The following OXR1 variants were observed in gnomAD, a reference collection of about 807,000 sequenced individuals.
The protein encoded by OXR1 is oxidation resistance protein 1.
OXR1 carries 41 observed loss-of-function variants against 104.6 expected under a neutral mutation model. The observed-to-expected ratio is 0.39, with a 90% confidence interval of 0.31 to 0.51. The LOEUF (loss-of-function observed/expected upper bound fraction) is 0.51, where lower values mean the gene tolerates loss of function less well. OXR1 is among the 20% of genes least tolerant of loss of function. The pLI is 0.77. For missense variants in OXR1, 955 were observed against 1,031.9 expected, an observed-to-expected ratio of 0.93 and a Z score of 1.02; for synonymous variants, 348 against 348.4, an observed-to-expected ratio of 1.00 and a Z score of 0.01.
At chr8:106,392,555 C>G (rs1168628742) in intron 2 of OXR1, among the ~76,000 whole-genome samples, 1 of 152,004 alleles carries the variant, frequency 6.6e-6, no homozygotes, top group Non-Finnish European at 1.5e-5. Context: ...GTATGGAAAA[C>G]CTGTTGCTTA....
Position 106,683,196 on chromosome 8 carries a change from CA to C in OXR1, c.304-2del. ...GAAATAATTTATTTTTTCTTTTAAA[CA>C]GGTTGAATCAAGGGATTCTTTGAAT... is the stretch of plus-strand genomic sequence containing the variant. On this transcript the variant is annotated splice_acceptor_variant, in intron 4 of 16. Coordinates refer to ENST00000517566, the MANE Select transcript of OXR1 (RefSeq NM_001198533.2). LOFTEE classifies it high-confidence loss of function. The C allele has an allele frequency of 6.9e-7, 1 of 1,439,944 alleles. No homozygotes were observed. The highest frequency in any genetic ancestry group is 9.7e-7 in the Non-Finnish European group (1 of 1,030,368). The allele number at this position is 1,439,944 out of a possible 1,614,324, so 89.2% of individuals were successfully genotyped here. A position where few individuals can be genotyped will look rare whatever the true frequency, so the allele number is the denominator to read the frequency against.
At chr8:106,653,084 A>T (rs1245716945) in intron 3 of OXR1, among the ~76,000 whole-genome samples, 2 of 63,732 alleles carry the variant, frequency 3.1e-5, no homozygotes, top group African/African-American at 1.5e-4. Flanking sequence ...AAAAAAAAAA[A>T]TATATATATA....
At chr8:106,511,523 C>A (rs1314130020) in intron 2 of OXR1, among the ~76,000 whole-genome samples, 2 of 145,026 alleles carry the variant, frequency 1.4e-5, no homozygotes, top group African/African-American at 2.5e-5. Flanking sequence ...CATTCATACA[C>A]CTCACACACA....
At chr8:106,605,182 A>G (rs924426626) in intron 3 of OXR1, 2 of 152,218 alleles carry the variant, frequency 1.3e-5, no homozygotes, top group African/African-American at 2.4e-5. Flanking sequence ...TTTTTAGAAG[A>G]GTTTGCTGTA....
At chr8:106,430,897 C>G (rs560643220) in intron 2 of OXR1, among the ~76,000 whole-genome samples, 14 of 152,314 alleles carry the variant, frequency 9.2e-5, no homozygotes, top group Admixed American at 3.3e-4. Context: ...TGCTACTCCT[C>G]TCATTGAGAT....
At position 106,548,282 on chromosome 8, in the gene OXR1, G is replaced by A. The variant is rs142210049; in HGVS notation, c.220+29143G>A. Among the ~76,000 whole-genome samples, 8 of 152,150 alleles carry A rather than the reference G, an allele frequency of 5.3e-5. No homozygotes were observed. In the East Asian group the frequency reaches 1.5e-3, roughly 29 times the overall value. ...AAGCAAACCTAGACTCAGATTCATG[G>A]GATTTACTCTAGGTTAAACGACTAC... On this transcript the variant is annotated intron_variant, in intron 3 of 16. Transcript: ENST00000517566.
intron 3 of OXR1, among the ~76,000 whole-genome samples, chr8:106,554,190 C>T (rs887179982): frequency 2.6e-5 from 4 of 152,152 alleles, no homozygotes; most frequent in African/African-American, 9.7e-5. Flanking sequence ...ACATCATGTG[C>T]CCCGGATGTG....
intron 3 of OXR1, among the ~76,000 whole-genome samples, chr8:106,580,233 A>G (rs572892069): frequency 6.6e-6 from 1 of 152,178 alleles, no homozygotes; most frequent in Non-Finnish European, 1.5e-5. Flanking sequence ...CTCTATACCC[A>G]TTAAATCACA....
chr8:106,529,288 G>A (rs922005918), intron 3 of OXR1, among the ~76,000 whole-genome samples: 3 of 152,036 alleles, frequency 2.0e-5, no homozygotes, highest in African/African-American at 4.8e-5. Flanking sequence ...TGTTGGGGGC[G>A]ATATTTGATT....
At chr8:106,642,552 T>C (rs1209594188) in intron 3 of OXR1, among the ~76,000 whole-genome samples, 1 of 152,178 alleles carries the variant, frequency 6.6e-6, no homozygotes, top group Non-Finnish European at 1.5e-5. Flanking sequence ...CAATAGGGAC[T>C]CTCTGGCCAG....
chr8:106,485,830 A>T (rs542302085), intron 2 of OXR1, among the ~76,000 whole-genome samples: 2 of 152,152 alleles, frequency 1.3e-5, no homozygotes, highest in South Asian at 4.1e-4. Flanking sequence ...CCTGGAGGAC[A>T]TTATGTTAAG....
chr8:106,422,608 T>C (rs1229263445), intron 2 of OXR1, among the ~76,000 whole-genome samples: 1 of 152,174 alleles, frequency 6.6e-6, no homozygotes, highest in Non-Finnish European at 1.5e-5. Flanking sequence ...ACTTGTATCA[T>C]TTCACATGAA....
At position 106,315,156 on chromosome 8, in the gene OXR1, A is replaced by G. The variant is rs181941101; in HGVS notation, c.-138-44320A>G. Among the ~76,000 whole-genome samples, 7 of 151,858 alleles carry G rather than the reference A, an allele frequency of 4.6e-5. No homozygotes were observed. The East Asian group carries it at 1.4e-3, about 29-fold the overall frequency. On this transcript the variant is annotated intron_variant, in intron 1 of 16. Coordinates refer to ENST00000517566, the MANE Select transcript of OXR1 (RefSeq NM_001198533.2). The stretch of plus-strand genomic sequence containing the variant: ...TTACTAGATATCCTATTATTAGTAT[A>G]TTTTGCTCAAGTTTTTTGTTTGTTT...
At chr8:106,353,748 T>C (rs1278518609) in intron 1 of OXR1, among the ~76,000 whole-genome samples, 3 of 152,170 alleles carry the variant, frequency 2.0e-5, no homozygotes, top group Admixed American at 2.0e-4. Context: ...GTGAGAACAT[T>C]AAAAAATCTG....
intron 2 of OXR1, among the ~76,000 whole-genome samples, chr8:106,397,018 T>A (rs918311362): frequency 7.9e-5 from 12 of 152,244 alleles, no homozygotes; most frequent in Middle Eastern, 3.4e-3. Flanking sequence ...CCAATATGTA[T>A]AATATGCTAC....
At chr8:106,688,190 G>A (rs1828929788) in intron 6 of OXR1, among the ~76,000 whole-genome samples, 1 of 151,958 alleles carries the variant, frequency 6.6e-6, no homozygotes, top group African/African-American at 2.4e-5. Context: ...GTTATATTCA[G>A]GATGAAGTTC....
At chr8:106,459,015 G>A (rs1489430649) in intron 2 of OXR1, among the ~76,000 whole-genome samples, 3 of 152,078 alleles carry the variant, frequency 2.0e-5, no homozygotes, top group Admixed American at 6.6e-5. Flanking sequence ...GGGCTTTTGA[G>A]TTGATGCTGG....
intron 3 of OXR1, among the ~76,000 whole-genome samples, chr8:106,534,880 T>C (rs941698356): frequency 3.3e-5 from 5 of 152,222 alleles, no homozygotes; most frequent in African/African-American, 1.2e-4. Flanking sequence ...TAGTAAGTGG[T>C]TTTAGCTTGG....
intron 1 of OXR1, among the ~76,000 whole-genome samples, chr8:106,331,768 C>T (rs924387061): frequency 7.2e-5 from 11 of 151,862 alleles, no homozygotes; most frequent in African/African-American, 2.4e-4. Flanking sequence ...GATGAAACCC[C>T]ATCTCTACTA....
Sources: allele counts gnomAD v4.1 joint callset (sites outside exome capture counted in the v4.1 genomes callset), GRCh38; gene constraint gnomAD v4.1.1; transcripts MANE v1.5; gene names NCBI Gene and HGNC (gene_info 2026-07-23, HGNC 2026-07-21).